Variants in MCM3AP observed in about 807,000 individuals in gnomAD.
The protein encoded by MCM3AP is minichromosome maintenance complex component 3 associated protein, also known as germinal-center associated nuclear protein.
In MCM3AP, 126 loss-of-function variants were observed where a neutral mutation model predicts 184.1. That is an observed-to-expected ratio of 0.68 (90% CI 0.59 to 0.79). The LOEUF is 0.79. Ranked by LOEUF, MCM3AP falls within the 30% of genes least tolerant of loss-of-function variation. The probability of loss-of-function intolerance (pLI) is 0.00; values close to 1 mark genes in which losing one functional copy is unlikely to be tolerated. For synonymous variants in MCM3AP, 1,002 were observed against 979.3 expected, an observed-to-expected ratio of 1.02 and a Z score of -0.43; for missense variants, 2,496 against 2,479.2, an observed-to-expected ratio of 1.01 and a Z score of -0.14.
intron 9 of MCM3AP, 70 bp downstream of exon 9, chr21:46,270,331 A>G (rs2145689593): frequency 6.9e-7 from 1 of 1,455,258 alleles, no homozygotes. Flanking sequence ...GCTTGGAATA[A>G]GAAAGCACCC....
intron 19 of MCM3AP, 143 bp downstream of exon 19, chr21:46,254,249 C>T (rs17183116): frequency 3.6e-6 from 3 of 837,120 alleles, no homozygotes; most frequent in African/African-American, 1.7e-5. Flanking sequence ...ATGAGCAAAA[C>T]AGACTGTAAA....
At position 46,265,369 on chromosome 21, in the gene MCM3AP, C is replaced by T. The variant is rs756540843; in HGVS notation, c.3186G>A (p.Val1062=). 6.2e-7 allele frequency: 1 copy of T among 1,614,012 alleles called. No individual in the cohort carries two copies. ...GCTCTGGAGGCGGTGGTTCAGGCTG[C>T]ACAGACAGCTGGAAGAGGCTGGGCG... is the stretch of plus-strand genomic sequence containing the variant. ...SVAPSLFQLS[V]QPEPPPPEPV... Residue 1062 remains valine (V), a synonymous_variant, in exon 12 of 28, where the codon GTG becomes GTA. Coordinates refer to ENST00000291688, the MANE Select transcript of MCM3AP (RefSeq NM_003906.5).
intron 20 of MCM3AP, among the ~76,000 whole-genome samples, chr21:46,248,616 GAAAAA>G (rs61450735): frequency 7.8e-6 from 1 of 128,068 alleles, no homozygotes; most frequent in African/African-American, 2.8e-5. Context: ...TAACAGAGAG[GAAAAA>G]AAAAAAAAAG....
chr21:46,244,675 T>C, intron 23 of MCM3AP, 132 bp downstream of exon 23: 1 of 965,890 alleles, frequency 1.0e-6, no homozygotes, highest in Non-Finnish European at 1.5e-6. Flanking sequence ...GAGCACAGCA[T>C]GGAGACACAC....
rs752436125 is a variant in MCM3AP at position 46,266,606 on chromosome 21, A to G, written c.2789+376T>C. ...GTGAGTCTCACCACTCTGACTGGTA[A>G]GTACCGGAGAAGACTCCGGCTGGCC... On this transcript the variant is annotated intron_variant, in intron 10 of 27. Coordinates refer to ENST00000291688, the MANE Select transcript of MCM3AP (RefSeq NM_003906.5). The G allele has an allele frequency of 1.2e-3, 320 of 264,542 alleles. 1 individual carries two copies. Among genetic ancestry groups the G allele is most frequent in the Non-Finnish European group, 2.0e-3 (273 of 138,328 alleles). The allele number at this position is 264,542 out of a possible 1,614,324, so 16.4% of individuals were successfully genotyped here.
At chr21:46,248,946 GAC>G (rs1412781226) in intron 20 of MCM3AP, among the ~76,000 whole-genome samples, 5 of 152,118 alleles carry the variant, frequency 3.3e-5, no homozygotes, top group African/African-American at 1.2e-4. Flanking sequence ...ACAGAAAAAA[GAC>G]AGAGTGTCAT....
chr21:46,249,825 G>T, intron 20 of MCM3AP: 1 of 243,498 alleles, frequency 4.1e-6, no homozygotes, highest in Non-Finnish European at 8.2e-6. Flanking sequence ...ACCTGCAGAG[G>T]CTTGGGCAGT....
chr21:46,284,934 A>G lies in MCM3AP; in HGVS notation c.353T>C (p.Val118Ala), dbSNP rs148351300. ...TGFSFKSPTS[V>A]GAFPSTSAFG... is the part of the protein sequence containing the mutation. ...AGCAGAAGTGCTTGGGAAAGCCCCAACACTGGTGGGTGATTTAAAACTAAA... is the reference window on the plus strand; with the variant it reads ...AGCAGAAGTGCTTGGGAAAGCCCCAGCACTGGTGGGTGATTTAAAACTAAA... The change falls in exon 1 of 28, where the codon GTT becomes GCT. Residue 118 changes from valine (V) to alanine (A), a missense_variant. By Grantham distance (64) the Val-to-Ala change is moderately conservative. Around this residue, in one of 5 missense-constraint regions of MCM3AP, gnomAD observed 800 missense variants for 717.1 expected, o/e 1.12. Transcript: ENST00000291688. The G allele has an allele frequency of 8.1e-5, 131 of 1,614,154 alleles. No individual in the cohort carries two copies. In the African/African-American group the frequency reaches 1.7e-3, roughly 21 times the overall value.
At chr21:46,270,239 A>G in intron 9 of MCM3AP, 162 bp downstream of exon 9, 1 of 625,764 alleles carries the variant, frequency 1.6e-6, no homozygotes, top group Non-Finnish European at 2.8e-6. Context: ...GATAACCCCT[A>G]TAAAACAGGG....
chr21:46,247,911 A>C (rs979479576), intron 20 of MCM3AP, among the ~76,000 whole-genome samples: 1 of 152,080 alleles, frequency 6.6e-6, no homozygotes, highest in African/African-American at 2.4e-5. Context: ...ATTCAAGACC[A>C]GCCTGGGCAA....
Position 46,283,881 on chromosome 21 carries a change from C to T in MCM3AP, c.1220-43G>A, listed in dbSNP as rs2081365000. 3 of 1,580,238 alleles carry T rather than the reference C, an allele frequency of 1.9e-6. 1 individual carries two copies. The highest frequency in any genetic ancestry group is 4.5e-4 in the Middle Eastern group (2 of 4,424). On this transcript the variant is annotated intron_variant, in intron 1 of 27. Coordinates refer to ENST00000291688, the MANE Select transcript of MCM3AP (RefSeq NM_003906.5). ...GGACACTTAAACCATCAGATGTTTC[C>T]AACAACAGGAGGCACCAACTGTGTC...
Position 46,284,302 on chromosome 21 carries a change from G to A in MCM3AP, c.985C>T (p.Leu329=), listed in dbSNP as rs781096646. 1.6e-5 allele frequency: 26 copies of A among 1,614,108 alleles called. No homozygotes were observed. The Admixed American group carries it at 4.0e-4, about 25-fold the overall frequency. ...AAAGTACCTCCCCGGGGTCGATTCA[G>A]GCGGACAGGTCGTTTGTCTGGAGGA... ...DHPPDKRPVR[L]NRPRGGTLFG... The change falls in exon 1 of 28, where the codon CTG becomes TTG. Residue 329 remains leucine, a synonymous_variant. Transcript: ENST00000291688.
intron 11 of MCM3AP, 120 bp from the exon 12 acceptor site, chr21:46,265,643 G>A: frequency 1.2e-6 from 1 of 843,870 alleles, no homozygotes; most frequent in South Asian, 1.9e-5. Flanking sequence ...GGACTGGCCT[G>A]CCCTCCAGGA....
At position 46,285,434 on chromosome 21, in the gene MCM3AP, C is replaced by A; in HGVS notation, c.-148G>T. The A allele has an allele frequency of 1.6e-6, 1 of 618,526 alleles. No homozygotes were observed. Among genetic ancestry groups the A allele is most frequent in the Non-Finnish European group, 2.9e-6 (1 of 350,322 alleles). 38.3% of individuals were successfully genotyped at this position (618,526 alleles called of 1,614,324 possible). On this transcript the variant is annotated 5_prime_UTR_variant, in exon 1 of 28. Coordinates refer to ENST00000291688, the MANE Select transcript of MCM3AP (RefSeq NM_003906.5). ...TTCAGATCATCATAGCTATGTTCTG[C>A]TACAAGTCTAAGAAAAGAATTTTTG...
intron 26 of MCM3AP, among the ~76,000 whole-genome samples, chr21:46,239,686 G>C (rs541036023): frequency 6.6e-5 from 10 of 152,328 alleles, no homozygotes; most frequent in African/African-American, 2.4e-4. Flanking sequence ...TCAGAGGTTT[G>C]AGATACAAAT....
intron 20 of MCM3AP, among the ~76,000 whole-genome samples, chr21:46,249,257 G>A (rs996930632): frequency 5.9e-5 from 9 of 152,262 alleles, no homozygotes; most frequent in Admixed American, 2.0e-4. Flanking sequence ...GTGCGATCAC[G>A]GCTCACTGCA....
At chr21:46,244,778 C>T in intron 23 of MCM3AP, 29 bp downstream of exon 23, 1 of 1,574,340 alleles carries the variant, frequency 6.4e-7, no homozygotes, top group Non-Finnish European at 8.6e-7. Flanking sequence ...TGCAGCCACC[C>T]ACCAGACCTC....
chr21:46,241,050 A>G lies in MCM3AP; in HGVS notation c.5427-33T>C. 2.0e-6 allele frequency: 3 copies of G among 1,472,718 alleles called. No homozygotes were observed. The South Asian group carries it at 3.4e-5, about 17-fold the overall frequency. The allele number at this position is 1,472,718 out of a possible 1,614,324, so 91.2% of individuals were successfully genotyped here. A position where few individuals can be genotyped will look rare whatever the true frequency, so the allele number is the denominator to read the frequency against. ...TACATGATTTGAAATGTTTATGGTC[A>G]AGAGAAAATATTTCTACAGCATCAT... On this transcript the variant is annotated intron_variant, in intron 25 of 27. Coordinates refer to ENST00000291688, the MANE Select transcript of MCM3AP (RefSeq NM_003906.5).
At chr21:46,277,492 C>T in intron 5 of MCM3AP, 35 bp downstream of exon 5, 1 of 1,483,724 alleles carries the variant, frequency 6.7e-7, no homozygotes. Flanking sequence ...ACGACCTCAC[C>T]AGGCCCCTAG....
Sources: gnomAD v4.1 joint callset for allele counts (sites outside exome capture counted in the v4.1 genomes callset) on GRCh38, gnomAD v4.1.1 for gene constraint, gnomAD v4.1.1 regional missense constraint, MANE v1.5 for transcripts, NCBI Gene and HGNC (gene_info 2026-07-23, HGNC 2026-07-21) for gene names.